The following HAVCR2 variants were observed in gnomAD, a reference collection of about 807,000 sequenced individuals.
HAVCR2 encodes T cell immunoglobulin mucin 3.
A neutral mutation model predicts 24.7 loss-of-function variants in HAVCR2; 13 were observed. That is an observed-to-expected ratio of 0.53 (90% CI 0.34 to 0.84). The LOEUF (loss-of-function observed/expected upper bound fraction) is 0.84. Among genes scored for constraint, HAVCR2 ranks in the 40% least tolerant of loss-of-function variants. The probability of loss-of-function intolerance (pLI) is 0.01; values close to 1 mark genes in which losing one functional copy is unlikely to be tolerated. For missense variants in HAVCR2, 343 were observed against 371.2 expected, an observed-to-expected ratio of 0.92 and a Z score of 0.62; for synonymous variants, 154 against 143.4, an observed-to-expected ratio of 1.07 and a Z score of -0.53.
chr5:157,106,108 A>G (rs1009157568), intron 2 of HAVCR2: 3 of 153,534 alleles, frequency 2.0e-5, no homozygotes, highest in African/African-American at 7.5e-5. Context: ...CATTCCACCC[A>G]TGAGTTTTGG....
At chr5:157,089,490 T>C (rs1332362370) in intron 5 of HAVCR2, among the ~76,000 whole-genome samples, 1 of 149,934 alleles carries the variant, frequency 6.7e-6, no homozygotes, top group East Asian at 2.0e-4. Flanking sequence ...GAGCCAAGAT[T>C]GCGCCATTGC....
At chr5:157,089,354 T>C (rs1377148529) in intron 5 of HAVCR2, among the ~76,000 whole-genome samples, 1 of 151,898 alleles carries the variant, frequency 6.6e-6, no homozygotes, top group African/African-American at 2.4e-5. Context: ...CTGACCAACA[T>C]GGAGAAACCC....
At chr5:157,087,627 C>T (rs907277269) in intron 6 of HAVCR2, among the ~76,000 whole-genome samples, 3 of 151,842 alleles carry the variant, frequency 2.0e-5, no homozygotes, top group Admixed American at 6.6e-5. Flanking sequence ...AAAAATGGGC[C>T]GGGCGCCGTG....
intron 5 of HAVCR2, among the ~76,000 whole-genome samples, chr5:157,092,909 A>AAC (rs1757027484): frequency 2.6e-5 from 3 of 115,478 alleles, no homozygotes; most frequent in African/African-American, 1.0e-4. Context: ...AAAAAAAAAA[A>AAC]AAAAAAAAAC....
intron 5 of HAVCR2, among the ~76,000 whole-genome samples, chr5:157,093,805 C>T (rs547313909): frequency 4.6e-5 from 7 of 151,978 alleles, no homozygotes; most frequent in Admixed American, 2.6e-4. Context: ...ATTAGCCAGG[C>T]GTGGTGGTAC....
rs757374569 is a variant in HAVCR2, at chr5:157,095,360, C to A, written c.622G>T (p.Gly208Trp). 2 of 1,614,134 alleles carry A rather than the reference C, an allele frequency of 1.2e-6. No homozygotes were observed. The highest frequency in any genetic ancestry group is 4.5e-5 in the East Asian group (2 of 44,868). Residue 208 changes from glycine (G) to tryptophan (W), a missense_variant, in exon 5 of 7, where the codon GGG becomes TGG. Coordinates refer to ENST00000307851, the MANE Select transcript of HAVCR2 (RefSeq NM_032782.5). ...TIRIGIYIGA[G>W]ICAGLALALI... ...GCCAGAGCCAGCCCAGCACAGATCC[C>A]TGCTCCGATGTAGATGCCTATTCTG... is the stretch of plus-strand genomic sequence containing the variant.
intron 3 of HAVCR2, among the ~76,000 whole-genome samples, chr5:157,101,941 ATTTTTT>A (rs869260432): frequency 7.2e-5 from 6 of 83,042 alleles, no homozygotes; most frequent in South Asian, 4.2e-4. Flanking sequence ...ATGCCCGGCT[ATTTTTT>A]TTTTTTTTTT....
chr5:157,108,903 T>C lies in HAVCR2; in HGVS notation c.58+23A>G, dbSNP rs201727518. On this transcript the variant is annotated intron_variant, in intron 1 of 6. Coordinates refer to ENST00000307851, the MANE Select transcript of HAVCR2 (RefSeq NM_032782.5). The stretch of plus-strand genomic sequence containing the variant: ...TCTGTACAGCACCATTATGTCATTG[T>C]AAATATCCATGCCGAGACTTACTTG... The C allele has an allele frequency of 2.9e-4, 466 of 1,611,518 alleles. 1 individual carries two copies. Among genetic ancestry groups the C allele is most frequent in the Non-Finnish European group, 3.7e-4 (441 of 1,177,634 alleles).
At chr5:157,096,763 G>T (rs1465156947) in intron 4 of HAVCR2, among the ~76,000 whole-genome samples, 1 of 151,730 alleles carries the variant, frequency 6.6e-6, no homozygotes, top group Non-Finnish European at 1.5e-5. Context: ...GGCGACAAGA[G>T]CAAAACTCCA....
In HAVCR2 at chr5:157,106,612, C is replaced by T. The variant is rs1757255093; in HGVS notation, c.394+15G>A. ...AAATCTTATTCATAAAGATGGCATG[C>T]AAATGTCCACTCACCTGGTTTGATG... is the stretch of plus-strand genomic sequence containing the variant. On this transcript the variant is annotated intron_variant, in intron 2 of 6. Coordinates refer to ENST00000307851, the MANE Select transcript of HAVCR2 (RefSeq NM_032782.5). 5.6e-6 allele frequency: 9 copies of T among 1,594,012 alleles called. No individual in the cohort carries two copies. The highest frequency in any genetic ancestry group is 6.9e-6 in the Non-Finnish European group (8 of 1,161,946).
At chr5:157,090,932 C>T (rs919850210) in intron 5 of HAVCR2, among the ~76,000 whole-genome samples, 1 of 152,136 alleles carries the variant, frequency 6.6e-6, no homozygotes, top group African/African-American at 2.4e-5. Flanking sequence ...TAGCCTCAAA[C>T]TCCTGGGCTC....
In HAVCR2 at chr5:157,087,058, C is replaced by T. The variant is rs1756923020; in HGVS notation, c.*44G>A. On this transcript the variant is annotated 3_prime_UTR_variant, in exon 7 of 7. Transcript: ENST00000307851. ...AGTCAGGTGACACAGCTCATAGTTT[C>T]TGAAAAAGACAAAACACCAAGCTCA... The T allele has an allele frequency of 6.3e-7, 1 of 1,581,368 alleles. No individual in the cohort carries two copies. Among genetic ancestry groups the T allele is most frequent in the African/African-American group, 1.4e-5 (1 of 73,956 alleles).
chr5:157,090,940 C>T (rs1430598687), intron 5 of HAVCR2, among the ~76,000 whole-genome samples: 1 of 152,100 alleles, frequency 6.6e-6, no homozygotes, highest in Non-Finnish European at 1.5e-5. Context: ...AACTCCTGGG[C>T]TCAAGTGATC....
Position 157,086,306 on chromosome 5 carries a change from G to A in HAVCR2, c.*796C>T, listed in dbSNP as rs1222035986. The A allele has an allele frequency of 6.6e-6, 1 of 152,198 alleles. No individual in the cohort carries two copies. The highest frequency in any genetic ancestry group is 1.5e-5 in the Non-Finnish European group (1 of 68,058). The allele number at this position is 152,198 out of a possible 1,614,324, so 9.4% of individuals were successfully genotyped here. A position where few individuals can be genotyped will look rare whatever the true frequency, so the allele number is the denominator to read the frequency against. The stretch of plus-strand genomic sequence containing the variant: ...ATAAGCCTAAATCTCAACATTCCAA[G>A]GGAATCTTCAAGATCAAGGTAGACC... On this transcript the variant is annotated 3_prime_UTR_variant, in exon 7 of 7. Coordinates refer to ENST00000307851, the MANE Select transcript of HAVCR2 (RefSeq NM_032782.5).
intron 6 of HAVCR2, among the ~76,000 whole-genome samples, chr5:157,088,347 T>C (rs1756943725): frequency 6.6e-6 from 1 of 152,162 alleles, no homozygotes; most frequent in African/African-American, 2.4e-5. Flanking sequence ...GGAACGAAGG[T>C]CAAGACAGGA....
At chr5:157,092,146 A>G (rs1489941140) in intron 5 of HAVCR2, among the ~76,000 whole-genome samples, 3 of 134,572 alleles carry the variant, frequency 2.2e-5, no homozygotes, top group African/African-American at 9.7e-5. Context: ...TATTATATAT[A>G]TATATATATA....
intron 5 of HAVCR2, among the ~76,000 whole-genome samples, chr5:157,094,043 T>A (rs1393556071): frequency 6.8e-6 from 1 of 147,466 alleles, no homozygotes; most frequent in Non-Finnish European, 1.5e-5. Flanking sequence ...ACACACTTCT[T>A]TTTTTTTTTT....
chr5:157,104,300 A>C (rs1397099520), intron 3 of HAVCR2, among the ~76,000 whole-genome samples: 1 of 152,220 alleles, frequency 6.6e-6, no homozygotes. Context: ...CCAATGTGTC[A>C]GTTCCCAAAC....
chr5:157,098,913 G>A lies in HAVCR2; in HGVS notation c.479-12C>T. ...TGTCTGTGTCTCTGCTATAAAAAGAGAGAGAGAGAGAGAGAGAGGAAAAAT... is the reference window on the plus strand; with the variant it reads ...TGTCTGTGTCTCTGCTATAAAAAGAAAGAGAGAGAGAGAGAGAGGAAAAAT... On this transcript the variant is annotated splice_polypyrimidine_tract_variant and intron_variant, in intron 3 of 6. Transcript: ENST00000307851. The A allele has an allele frequency of 7.7e-7, 1 of 1,296,300 alleles. No homozygotes were observed. Among genetic ancestry groups the A allele is most frequent in the Non-Finnish European group, 1.0e-6 (1 of 957,194 alleles). 80.3% of individuals were successfully genotyped at this position (1,296,300 alleles called of 1,614,324 possible). A position where few individuals can be genotyped will look rare whatever the true frequency, so the allele number is the denominator to read the frequency against.
Sources: allele counts gnomAD v4.1 joint callset (sites outside exome capture counted in the v4.1 genomes callset), GRCh38; gene constraint gnomAD v4.1.1; transcripts MANE v1.5; gene names NCBI Gene and HGNC (gene_info 2026-07-23, HGNC 2026-07-21).